OR52E5: variants seen among roughly 807,000 people sequenced by gnomAD.
OR52E5 encodes the protein olfactory receptor family 52 subfamily E member 5, also known as olfactory receptor 52E5.
chr11:5,899,467 A>G (rs11039508), intron 2 of OR52E5, among the ~76,000 whole-genome samples: 10,330 of 152,258 alleles, frequency 0.068, 529 homozygotes, highest in East Asian at 0.23. Flanking sequence ...ACATACCACT[A>G]TACTTCCAAA....
chr11:5,901,649 T>C lies in OR52E5; in HGVS notation c.873T>C (p.Tyr291=). ...VFPPALNSVI[Y]GVKTKQIREQ... Reference sequence around the variant, plus strand: ...CCCCTGCTCTTAACTCTGTTATCTATGGGGTCAAAACAAAACAGATACGAG... The same window carrying C: ...CCCCTGCTCTTAACTCTGTTATCTACGGGGTCAAAACAAAACAGATACGAG... The change falls in exon 3 of 3, where the codon TAT becomes TAC. Residue 291 remains tyrosine (Y), a synonymous_variant. Coordinates refer to ENST00000610445, the MANE Select transcript of OR52E5 (RefSeq NM_001005166.5). 2 of 401,316 alleles carry C rather than the reference T, an allele frequency of 5.0e-6. No individual in the cohort carries two copies. Among genetic ancestry groups the C allele is most frequent in the Admixed American group, 4.4e-5 (1 of 22,730 alleles). The allele number at this position is 401,316 out of a possible 1,614,324, so 24.9% of individuals were successfully genotyped here. A position where few individuals can be genotyped will look rare whatever the true frequency, so the allele number is the denominator to read the frequency against.
intron 1 of OR52E5, among the ~76,000 whole-genome samples, chr11:5,894,629 T>G (rs1847148984): frequency 6.6e-6 from 1 of 152,112 alleles, no homozygotes; most frequent in Admixed American, 6.5e-5. Flanking sequence ...GACTGCAGTG[T>G]GGAGATGATA....
chr11:5,897,971 TCTC>T (rs1299086610), intron 2 of OR52E5, among the ~76,000 whole-genome samples: 1 of 151,946 alleles, frequency 6.6e-6, no homozygotes, highest in African/African-American at 2.4e-5. Flanking sequence ...CCAGTGATCT[TCTC>T]ACCTCACCCT....
At chr11:5,898,677 G>A (rs990405790) in intron 2 of OR52E5, among the ~76,000 whole-genome samples, 2 of 152,136 alleles carry the variant, frequency 1.3e-5, no homozygotes, top group African/African-American at 4.8e-5. Context: ...AATTTCCCTA[G>A]CACATTTACT....
intron 2 of OR52E5, among the ~76,000 whole-genome samples, 173 bp from the exon 3 acceptor site, chr11:5,900,459 A>G (rs1201665323): frequency 6.6e-6 from 1 of 152,136 alleles, no homozygotes; most frequent in African/African-American, 2.4e-5. Context: ...CAATAAATAT[A>G]TGCTAATTTA....
At chr11:5,897,699 T>C (rs753285006) in intron 2 of OR52E5, among the ~76,000 whole-genome samples, 2 of 151,534 alleles carry the variant, frequency 1.3e-5, no homozygotes, top group East Asian at 1.9e-4. Context: ...GAAATTTTCA[T>C]ACTGTTTTCC....
chr11:5,900,965 C>T lies in OR52E5; in HGVS notation c.189C>T (p.Tyr63=), dbSNP rs1473857572. 1.0e-5 allele frequency: 4 copies of T among 401,724 alleles called. No homozygotes were observed. The highest frequency in any genetic ancestry group is 1.8e-5 in the Non-Finnish European group (4 of 226,316). The allele number at this position is 401,724 out of a possible 1,614,324, so 24.9% of individuals were successfully genotyped here. A position where few individuals can be genotyped will look rare whatever the true frequency, so the allele number is the denominator to read the frequency against. ...AGAGCCTCCACCAACCCATGTTTTACTTCCTAGCCATGTTGGCCGGCACTG... is the reference window on the plus strand; with the variant it reads ...AGAGCCTCCACCAACCCATGTTTTATTTCCTAGCCATGTTGGCCGGCACTG... ...TEQSLHQPMF[Y]FLAMLAGTDL... is the part of the protein sequence containing the mutation. Residue 63 remains tyrosine (Y), a synonymous_variant, in exon 3 of 3, where the codon TAC becomes TAT. Coordinates refer to ENST00000610445, the MANE Select transcript of OR52E5 (RefSeq NM_001005166.5).
chr11:5,900,089 T>C (rs1319273389), intron 2 of OR52E5, among the ~76,000 whole-genome samples: 2 of 152,164 alleles, frequency 1.3e-5, no homozygotes, highest in Non-Finnish European at 2.9e-5. Flanking sequence ...GCAAAGTATC[T>C]GAGAGCATCC....
chr11:5,902,149 G>C lies in OR52E5; in HGVS notation c.*389G>C, dbSNP rs561539692. 4 of 159,354 alleles carry C rather than the reference G, an allele frequency of 2.5e-5. No homozygotes were observed. The Admixed American group carries it at 2.6e-4, about 10-fold the overall frequency. 9.9% of individuals were successfully genotyped at this position (159,354 alleles called of 1,614,324 possible). Reference sequence around the variant, plus strand: ...TACAGTGGCAAGAGAAATTAACTAGGAGTCATAAGATCTAGATTTAAATAC... The same window carrying C: ...TACAGTGGCAAGAGAAATTAACTAGCAGTCATAAGATCTAGATTTAAATAC... On this transcript the variant is annotated 3_prime_UTR_variant, in exon 3 of 3. Transcript: ENST00000610445.
intron 1 of OR52E5, among the ~76,000 whole-genome samples, chr11:5,893,628 G>C (rs562857812): frequency 6.6e-6 from 1 of 151,974 alleles, no homozygotes; most frequent in South Asian, 2.1e-4. Context: ...TTATAGCTGT[G>C]TGGTCTGCTT....
chr11:5,900,865 GCTTCCC>G lies in OR52E5; in HGVS notation c.94_99del (p.Pro32_Phe33del). 6 of 401,282 alleles carry G rather than the reference GCTTCCC, an allele frequency of 1.5e-5. No homozygotes were observed. The highest frequency in any genetic ancestry group is 2.7e-5 in the Non-Finnish European group (6 of 226,278). 24.9% of individuals were successfully genotyped at this position (401,282 alleles called of 1,614,324 possible). The stretch of plus-strand genomic sequence containing the variant: ...CTGGAAGATGTGCATGTATGGATTG[GCTTCCC>G]CTTCTTTGCAGTGTATCTAACAGCC... On this transcript the variant is annotated inframe_deletion, in exon 3 of 3. Transcript: ENST00000610445.
rs1430342890 is a variant in OR52E5, at chr11:5,902,678, T to C, written c.*918T>C. The C allele has an allele frequency of 2.6e-5, 4 of 152,160 alleles. No individual in the cohort carries two copies. Among genetic ancestry groups the C allele is most frequent in the Non-Finnish European group, 5.9e-5 (4 of 68,026 alleles). 9.4% of individuals were successfully genotyped at this position (152,160 alleles called of 1,614,324 possible). A position where few individuals can be genotyped will look rare whatever the true frequency, so the allele number is the denominator to read the frequency against. On this transcript the variant is annotated 3_prime_UTR_variant, in exon 3 of 3. Transcript: ENST00000610445. ...TGCTGAAATAATATAAAGTCATTCT[T>C]AATAAGGTATAGAAGATAAATAGGA...
intron 1 of OR52E5, among the ~76,000 whole-genome samples, chr11:5,894,617 TTGAC>T (rs1188101204): frequency 3.9e-5 from 6 of 152,116 alleles, no homozygotes; most frequent in Non-Finnish European, 7.4e-5. Flanking sequence ...GAAGTGCAGT[TTGAC>T]TGCAGTGTGG....
intron 1 of OR52E5, among the ~76,000 whole-genome samples, chr11:5,894,105 C>A (rs892980092): frequency 1.3e-5 from 2 of 152,070 alleles, no homozygotes; most frequent in Non-Finnish European, 2.9e-5. Flanking sequence ...CTTTCAATAG[C>A]CATTTGTGGA....
chr11:5,901,924 A>C lies in OR52E5; in HGVS notation c.*164A>C. ...CCAAAACAATCTCTCTGTTTCACCC[A>C]TTAAAAGTGCAAAAAGTACTCACAC... On this transcript the variant is annotated 3_prime_UTR_variant, in exon 3 of 3. Coordinates refer to ENST00000610445, the MANE Select transcript of OR52E5 (RefSeq NM_001005166.5). The C allele has an allele frequency of 2.5e-6, 1 of 395,668 alleles. No individual in the cohort carries two copies. Among genetic ancestry groups the C allele is most frequent in the Non-Finnish European group, 4.5e-6 (1 of 223,062 alleles). The allele number at this position is 395,668 out of a possible 1,614,324, so 24.5% of individuals were successfully genotyped here.
At chr11:5,896,153 A>G (rs558738989) in intron 2 of OR52E5, among the ~76,000 whole-genome samples, 6 of 149,300 alleles carry the variant, frequency 4.0e-5, no homozygotes, top group Non-Finnish European at 7.4e-5. Context: ...ATAATCAGAG[A>G]AGACTTTGGG....
intron 2 of OR52E5, among the ~76,000 whole-genome samples, chr11:5,896,091 T>C (rs1316808233): frequency 6.6e-6 from 1 of 150,914 alleles, no homozygotes; most frequent in African/African-American, 2.4e-5. Context: ...GTAGAAAAAC[T>C]AAAATGTAGG....
chr11:5,900,557 G>A (rs977526753), intron 2 of OR52E5, 75 bp from the exon 3 acceptor site: 2 of 369,934 alleles, frequency 5.4e-6, no homozygotes, highest in South Asian at 1.5e-4. Flanking sequence ...CTTTCTGCAT[G>A]GTTTCCTGTG....
At chr11:5,900,473 C>T (rs1171299987) in intron 2 of OR52E5, among the ~76,000 whole-genome samples, 159 bp from the exon 3 acceptor site, 2 of 151,900 alleles carry the variant, frequency 1.3e-5, no homozygotes, top group Admixed American at 1.3e-4. Context: ...TAATTTAATG[C>T]CATATGGAAG....
Sources: allele counts gnomAD v4.1 joint callset (sites outside exome capture counted in the v4.1 genomes callset), GRCh38; gene constraint gnomAD v4.1.1; transcripts MANE v1.5; gene names NCBI Gene and HGNC (gene_info 2026-07-23, HGNC 2026-07-21).